The following CYFIP1 variants were observed in gnomAD, a reference collection of about 807,000 sequenced individuals.
CYFIP1 encodes cytoplasmic FMR1 interacting protein 1.
In CYFIP1, 58 loss-of-function variants were observed where a neutral mutation model predicts 163.5. The ratio of observed to expected loss-of-function variants is 0.35; its 90% confidence interval spans 0.29 to 0.44. CYFIP1 has a LOEUF of 0.44. CYFIP1 is among the 20% of genes least tolerant of loss of function. The pLI is 1.00. For missense variants in CYFIP1, 1,338 were observed against 1,653.8 expected (o/e 0.81, Z 3.31); for synonymous variants, 663 against 660.7 (o/e 1.00, Z -0.05).
rs2059888615 is a variant in CYFIP1 at position 22,884,962 on chromosome 15, G to T, written c.2677-1951C>A. Among the ~76,000 whole-genome samples the T allele has an allele frequency of 2.0e-5, 3 of 151,170 alleles. 1 individual carries two copies. Among genetic ancestry groups the T allele is most frequent in the Admixed American group, 2.0e-4 (3 of 15,156 alleles). On this transcript the variant is annotated intron_variant, in intron 23 of 30. Coordinates refer to ENST00000617928, the MANE Select transcript of CYFIP1 (RefSeq NM_014608.6). Reference sequence around the variant, plus strand: ...CCAAGTCCTGAAGCTGCACGGGGATGGGGGGTGGGGTGGGGAGGTGGGGGA... The same window carrying T: ...CCAAGTCCTGAAGCTGCACGGGGATTGGGGGTGGGGTGGGGAGGTGGGGGA...
rs35556120 is a variant in CYFIP1, at chr15:22,975,441, CAAAA to C, written c.-7+4842_-7+4845del. On this transcript the variant is annotated intron_variant, in intron 1 of 30. Coordinates refer to ENST00000617928, the MANE Select transcript of CYFIP1 (RefSeq NM_014608.6). ...GCCGAGACAGAGCGAGACTCCGTCTCAAAAAAAAAAAAAAAAAAAAAAAAGGTTA... is the reference window on the plus strand; with the variant it reads ...GCCGAGACAGAGCGAGACTCCGTCTCAAAAAAAAAAAAAAAAAAAAGGTTA... 1.5e-4 allele frequency among the ~76,000 whole-genome samples: 11 copies of C among 71,328 alleles called. No individual in the cohort carries two copies. In the South Asian group the frequency reaches 2.2e-3, roughly 14 times the overall value. 46.8% of individuals were successfully genotyped at this position (71,328 alleles called of 152,430 possible). A position where few individuals can be genotyped will look rare whatever the true frequency, so the allele number is the denominator to read the frequency against.
intron 1 of CYFIP1, among the ~76,000 whole-genome samples, chr15:22,961,704 C>A (rs937651795): frequency 6.6e-6 from 1 of 152,052 alleles, no homozygotes; most frequent in African/African-American, 2.4e-5. Context: ...TTGTAACTTG[C>A]CAGCTTGGGT....
Position 22,944,564 on chromosome 15 carries a change from G to A in CYFIP1, c.381C>T (p.Tyr127=), listed in dbSNP as rs1318070258. The change falls in exon 5 of 31, where the codon TAC becomes TAT. Residue 127 remains tyrosine (Y), a synonymous_variant. Transcript: ENST00000617928. ...PEVTKLMNFM[Y]FQRNAIERFC... is the part of the protein sequence containing the mutation. Reference sequence around the variant, plus strand: ...AGATTATTTGCCATTTTACCTGGAAGTACATGAAATTCATCAGTTTTGTGA... The same window carrying A: ...AGATTATTTGCCATTTTACCTGGAAATACATGAAATTCATCAGTTTTGTGA... 5.6e-6 allele frequency: 9 copies of A among 1,608,698 alleles called. No individual in the cohort carries two copies. The highest frequency in any genetic ancestry group is 1.3e-5 in the African/African-American group (1 of 74,920).
intron 11 of CYFIP1, 101 bp downstream of exon 11, chr15:22,932,121 TG>T: frequency 1.3e-6 from 1 of 748,506 alleles, no homozygotes; most frequent in Non-Finnish European, 2.2e-6. Context: ...TGATCGTATC[TG>T]GTAGTAAACT....
intron 26 of CYFIP1, among the ~76,000 whole-genome samples, chr15:22,876,958 G>A (rs537047297): frequency 6.6e-6 from 1 of 152,142 alleles, no homozygotes; most frequent in African/African-American, 2.4e-5. Flanking sequence ...ATTCCACAAG[G>A]CTGTCTCCCC....
At chr15:22,875,061 T>A in intron 27 of CYFIP1, 138 bp downstream of exon 27, 1 of 734,872 alleles carries the variant, frequency 1.4e-6, no homozygotes. Context: ...TTCTGTACAC[T>A]CCTCATTACC....
rs934053506 is a variant in CYFIP1 at position 22,868,849 on chromosome 15, T to C, written c.*1179A>G. ...GTAAAATGACTGCCAGGCTACAATA[T>C]AAAGTGAGTTCAGTTAATCATGCTG... On this transcript the variant is annotated 3_prime_UTR_variant, in exon 31 of 31. Transcript: ENST00000617928. The C allele has an allele frequency of 1.3e-5, 2 of 152,208 alleles. No homozygotes were observed. Among genetic ancestry groups the C allele is most frequent in the Non-Finnish European group, 2.9e-5 (2 of 68,034 alleles). The allele number at this position is 152,208 out of a possible 1,614,324, so 9.4% of individuals were successfully genotyped here.
In CYFIP1 at chr15:22,870,009, CG is replaced by C. The variant is rs763165196; in HGVS notation, c.*18del. On this transcript the variant is annotated 3_prime_UTR_variant, in exon 31 of 31. Transcript: ENST00000617928. ...GAGAAAGGCATGCCATGTTGAGTTACGGAGTGCAGCGCGTGCCCTCAGCTGC... is the reference window on the plus strand; with the variant it reads ...GAGAAAGGCATGCCATGTTGAGTTACGAGTGCAGCGCGTGCCCTCAGCTGC... The C allele has an allele frequency of 4.5e-6, 7 of 1,559,572 alleles. No homozygotes were observed. In the Admixed American group the frequency reaches 6.5e-5, roughly 15 times the overall value.
chr15:22,939,995 G>A (rs1472739101), intron 6 of CYFIP1, among the ~76,000 whole-genome samples: 2 of 152,180 alleles, frequency 1.3e-5, no homozygotes, highest in African/African-American at 4.8e-5. Context: ...GGTGTCCAAG[G>A]TCCTGAGACA....
At chr15:22,904,139 C>A (rs970809488) in intron 21 of CYFIP1, 8 of 583,078 alleles carry the variant, frequency 1.4e-5, no homozygotes, top group East Asian at 2.9e-5. Context: ...ACGCCACCTA[C>A]CCCTGCTGTC....
At chr15:22,923,942 C>CAAAAAAAAAAAAAAAA (rs916058496) in intron 13 of CYFIP1, among the ~76,000 whole-genome samples, 1 of 61,816 alleles carries the variant, frequency 1.6e-5, no homozygotes, top group Non-Finnish European at 2.8e-5. Context: ...ACCTTGTCTC[C>CAAAAAAAAAAAAAAAA]AAAAAAAAAA....
chr15:22,897,105 C>G (rs1257813943), intron 22 of CYFIP1, among the ~76,000 whole-genome samples: 1 of 151,822 alleles, frequency 6.6e-6, no homozygotes, highest in African/African-American at 2.4e-5. Flanking sequence ...CTCAGGTACT[C>G]GGGAGGCTGA....
intron 1 of CYFIP1, among the ~76,000 whole-genome samples, chr15:22,952,659 C>CAAAAA (rs3083512): frequency 6.6e-5 from 3 of 45,678 alleles, no homozygotes; most frequent in African/African-American, 1.0e-4. Context: ...GACTCCATCT[C>CAAAAA]AAAAAAAAAA....
At position 22,893,914 on chromosome 15, in the gene CYFIP1, T is replaced by C. The variant is rs556273192; in HGVS notation, c.2589-937A>G. Among the ~76,000 whole-genome samples the C allele has an allele frequency of 4.6e-5, 7 of 152,348 alleles. No homozygotes were observed. The South Asian group carries it at 1.4e-3, about 32-fold the overall frequency. On this transcript the variant is annotated intron_variant, in intron 22 of 30. Coordinates refer to ENST00000617928, the MANE Select transcript of CYFIP1 (RefSeq NM_014608.6). The stretch of plus-strand genomic sequence containing the variant: ...ATCTGCAGATGTGTCTGCAACAGGA[T>C]GTGTGCATGTCTGTGTGTCCCTGCG...
Position 22,867,125 on chromosome 15 carries a change from GAC to G in CYFIP1, c.*2901_*2902del. ...TTCTCCAAAAGCCGAATGCACTAATGACAGTTTTAAGTCTATGAAAATGCTTT... is the reference window on the plus strand; with the variant it reads ...TTCTCCAAAAGCCGAATGCACTAATGAGTTTTAAGTCTATGAAAATGCTTT... On this transcript the variant is annotated 3_prime_UTR_variant, in exon 31 of 31. Transcript: ENST00000617928. 4.1e-6 allele frequency: 2 copies of G among 482,398 alleles called. No homozygotes were observed. Among genetic ancestry groups the G allele is most frequent in the Non-Finnish European group, 7.2e-6 (2 of 276,936 alleles). 29.9% of individuals were successfully genotyped at this position (482,398 alleles called of 1,614,324 possible).
chr15:22,975,092 C>T (rs1297731298), intron 1 of CYFIP1, among the ~76,000 whole-genome samples: 1 of 152,100 alleles, frequency 6.6e-6, no homozygotes, highest in Non-Finnish European at 1.5e-5. Context: ...ACAACATTTT[C>T]TTTTCTCTAG....
At chr15:22,947,922 G>C (rs1158193151) in intron 1 of CYFIP1, 3 of 984,928 alleles carry the variant, frequency 3.0e-6, no homozygotes, top group African/African-American at 1.7e-5. Flanking sequence ...TTCAGAGCCA[G>C]CTCCAGGGAG....
chr15:22,974,519 G>A (rs2063203149), intron 1 of CYFIP1, among the ~76,000 whole-genome samples: 1 of 152,174 alleles, frequency 6.6e-6, no homozygotes, highest in African/African-American at 2.4e-5. Flanking sequence ...CTTGAGGCCA[G>A]GAGTTCGAGA....
chr15:22,895,286 T>A (rs111873652), intron 22 of CYFIP1, among the ~76,000 whole-genome samples: 1 of 152,174 alleles, frequency 6.6e-6, no homozygotes, highest in African/African-American at 2.4e-5. Flanking sequence ...AGTGCTGGGA[T>A]TACAGGCGTA....
Sources: gnomAD v4.1 joint callset for allele counts (sites outside exome capture counted in the v4.1 genomes callset) on GRCh38, gnomAD v4.1.1 for gene constraint, MANE v1.5 for transcripts, NCBI Gene and HGNC (gene_info 2026-07-23, HGNC 2026-07-21) for gene names.